The following LHCGR variants were observed in gnomAD, a reference collection of about 807,000 sequenced individuals.
LHCGR encodes the protein luteinizing hormone/choriogonadotropin receptor, also known as lutropin-choriogonadotropic hormone receptor.
LHCGR carries 55 observed loss-of-function variants against 60.7 expected under a neutral mutation model. The ratio of observed to expected loss-of-function variants is 0.91; its 90% CI spans 0.73 to 1.13. LHCGR has a LOEUF of 1.13. LHCGR is among the 50% of genes most tolerant of loss of function. LHCGR has a pLI of 0.00. For missense variants in LHCGR, 862 were observed against 836.0 expected (o/e 1.03, Z -0.38); for synonymous variants, 337 against 316.5 (o/e 1.06, Z -0.69).
At chr2:48,724,344 C>T (rs939501434) in intron 4 of LHCGR, among the ~76,000 whole-genome samples, 2 of 152,164 alleles carry the variant, frequency 1.3e-5, no homozygotes, top group Non-Finnish European at 2.9e-5. Flanking sequence ...TATTTTATTA[C>T]AAGAATGGGG....
chr2:48,740,480 C>T (rs532813467), intron 1 of LHCGR, among the ~76,000 whole-genome samples: 56 of 149,682 alleles, frequency 3.7e-4, no homozygotes, highest in Non-Finnish European at 5.3e-4. Flanking sequence ...TCTCACAGCA[C>T]GCAGCTGGAG....
chr2:48,751,427 C>T (rs987521799), intron 1 of LHCGR, among the ~76,000 whole-genome samples: 6 of 152,224 alleles, frequency 3.9e-5, no homozygotes, highest in Non-Finnish European at 8.8e-5. Context: ...ACCAGGACCC[C>T]TCTTTCCTTC....
intron 1 of LHCGR, among the ~76,000 whole-genome samples, chr2:48,733,954 C>A (rs1234887196): frequency 6.6e-6 from 1 of 152,128 alleles, no homozygotes; most frequent in Non-Finnish European, 1.5e-5. Flanking sequence ...TTCCATGATG[C>A]CAGAAACTTT....
intron 8 of LHCGR, among the ~76,000 whole-genome samples, chr2:48,707,219 C>T (rs1188483126): frequency 6.6e-6 from 1 of 152,246 alleles, no homozygotes; most frequent in Non-Finnish European, 1.5e-5. Flanking sequence ...ATATCACCAG[C>T]AGAGGCTGCA....
chr2:48,698,655 G>A lies in LHCGR; in HGVS notation c.826C>T (p.Pro276Ser). The stretch of plus-strand genomic sequence containing the variant: ...TTTCTAAAAGCACAGCAGTGGCTGG[G>A]GTAAGTCAACGTGGCCTCCAGGAGA... Reference protein sequence around the residue: ...VNLLEATLTYPSHCCAFRNLP... With the variant: ...VNLLEATLTYSSHCCAFRNLP... The change falls in exon 9 of 11, where the codon CCC becomes TCC. Residue 276 changes from proline (P) to serine (S), a missense_variant. Pro to Ser is a moderately conservative substitution (Grantham distance 74). Coordinates refer to ENST00000294954, the MANE Select transcript of LHCGR (RefSeq NM_000233.4). 1.9e-6 allele frequency: 3 copies of A among 1,614,062 alleles called. No individual in the cohort carries two copies. The highest frequency in any genetic ancestry group is 1.1e-5 in the South Asian group (1 of 91,074).
At chr2:48,705,811 G>C (rs1402782047) in intron 8 of LHCGR, among the ~76,000 whole-genome samples, 1 of 151,982 alleles carries the variant, frequency 6.6e-6, no homozygotes, top group Non-Finnish European at 1.5e-5. Flanking sequence ...TGGGTCTCCT[G>C]AATACAGCAC....
At chr2:48,726,055 G>C (rs1668707197) in intron 3 of LHCGR, among the ~76,000 whole-genome samples, 1 of 151,984 alleles carries the variant, frequency 6.6e-6, no homozygotes, top group African/African-American at 2.4e-5. Flanking sequence ...CCGACATCCA[G>C]GGCTCCTGGC....
intron 7 of LHCGR, among the ~76,000 whole-genome samples, chr2:48,711,471 C>T (rs1488775995): frequency 6.6e-6 from 1 of 152,170 alleles, no homozygotes; most frequent in Non-Finnish European, 1.5e-5. Context: ...CAAACTGACT[C>T]ATGTTCTTGA....
At chr2:48,726,562 C>G (rs1000281631) in intron 3 of LHCGR, among the ~76,000 whole-genome samples, 2 of 152,200 alleles carry the variant, frequency 1.3e-5, no homozygotes, top group Admixed American at 1.3e-4. Flanking sequence ...TAAGTCCTGT[C>G]TACTTTGTAT....
At position 48,688,405 on chromosome 2, in the gene LHCGR, T is replaced by A. The variant is rs142062773; in HGVS notation, c.1392A>T (p.Arg464Ser). 1 of 1,614,056 alleles carries A rather than the reference T, an allele frequency of 6.2e-7. No homozygotes were observed. Among genetic ancestry groups the A allele is most frequent in the African/African-American group, 1.3e-5 (1 of 74,898 alleles). ...VYTLTVITLE[R>S]WHTITYAIHL... ...GAATAGCATAGGTGATGGTGTGCCA[T>A]CTTTCTAGAGTGATGACGGTGAGGG... The change falls in exon 11 of 11, where the codon AGA becomes AGT. Residue 464 changes from arginine (R) to serine (S), a missense_variant. Arg to Ser is a moderately radical substitution (Grantham distance 110). Transcript: ENST00000294954. This position sits in a 1 kb window ranked among gnomAD's most constrained non-coding sequence, Gnocchi z 5.2.
chr2:48,748,971 C>A (rs1669830706), intron 1 of LHCGR, among the ~76,000 whole-genome samples: 1 of 152,182 alleles, frequency 6.6e-6, no homozygotes, highest in African/African-American at 2.4e-5. Context: ...CCACAGCATC[C>A]TCACCTCTGT....
chr2:48,691,879 A>T (rs1054475106), intron 10 of LHCGR, among the ~76,000 whole-genome samples: 20 of 151,004 alleles, frequency 1.3e-4, no homozygotes, highest in African/African-American at 4.9e-4. Context: ...TTTAAAGGCC[A>T]TCTGATTGAA....
intron 8 of LHCGR, among the ~76,000 whole-genome samples, chr2:48,705,996 C>G (rs563673896): frequency 6.6e-6 from 1 of 152,160 alleles, no homozygotes; most frequent in Non-Finnish European, 1.5e-5. Flanking sequence ...CATTGATGGC[C>G]TTTACAATTT....
chr2:48,695,315 A>G (rs921262757), intron 9 of LHCGR, among the ~76,000 whole-genome samples: 4 of 152,128 alleles, frequency 2.6e-5, no homozygotes, highest in African/African-American at 9.7e-5. Flanking sequence ...CCACTCATCA[A>G]TTTATGTTTT....
chr2:48,723,118 C>G (rs942629532), intron 6 of LHCGR, among the ~76,000 whole-genome samples: 11 of 152,192 alleles, frequency 7.2e-5, no homozygotes, highest in African/African-American at 2.7e-4. Context: ...TTTCTATGCT[C>G]TTTTTAAGCC....
chr2:48,740,002 A>G (rs1475902510), intron 1 of LHCGR, among the ~76,000 whole-genome samples: 1 of 152,188 alleles, frequency 6.6e-6, no homozygotes, highest in African/African-American at 2.4e-5. Flanking sequence ...CGCGAGCTGA[A>G]GCAGGGCGAG....
In LHCGR at chr2:48,705,952, A is replaced by G. The variant is rs139772932; in HGVS notation, c.680+2996T>C. Among the ~76,000 whole-genome samples, 284 of 152,154 alleles carry G rather than the reference A, an allele frequency of 1.9e-3. 1 individual carries two copies. The highest frequency in any genetic ancestry group is 6.4e-3 in the African/African-American group (265 of 41,494). On this transcript the variant is annotated intron_variant, in intron 8 of 10. Transcript: ENST00000294954. The stretch of plus-strand genomic sequence containing the variant: ...TCTGTCATTATGATGCTAGCTGGTT[A>G]TTTTGCCTGTTAGTTGATGCAGTTT...
chr2:48,708,769 C>T (rs1414032986), intron 8 of LHCGR, 179 bp downstream of exon 8: 1 of 670,472 alleles, frequency 1.5e-6, no homozygotes, highest in Non-Finnish European at 2.7e-6. Flanking sequence ...GTCTAAGCCT[C>T]TCGGTTTGGG....
intron 8 of LHCGR, among the ~76,000 whole-genome samples, chr2:48,700,298 T>A (rs1480899958): frequency 6.6e-6 from 1 of 152,180 alleles, no homozygotes; most frequent in Non-Finnish European, 1.5e-5. Flanking sequence ...GCAGTGAACC[T>A]CTGATAGTGG....
Sources: allele counts gnomAD v4.1 joint callset (sites outside exome capture counted in the v4.1 genomes callset), GRCh38; gene constraint gnomAD v4.1.1; non-coding constraint Gnocchi (gnomAD v3.1); transcripts MANE v1.5; gene names NCBI Gene and HGNC (gene_info 2026-07-23, HGNC 2026-07-21).